Variants in C3orf20 observed in about 807,000 individuals in gnomAD.
The protein encoded by C3orf20 is family with sequence similarity 149 member C.
C3orf20 carries 76 observed loss-of-function variants against 88.3 expected under a neutral mutation model. The observed-to-expected ratio is 0.86, with a 90% CI of 0.72 to 1.04. C3orf20 has a LOEUF of 1.04. Ranked by LOEUF, C3orf20 falls within the 50% of genes least tolerant of loss-of-function variation. C3orf20 has a pLI of 0.00. For synonymous variants in C3orf20, 436 were observed against 437.4 expected (o/e 1.00, Z 0.04); for missense variants, 1,056 against 1,123.3 (o/e 0.94, Z 0.86).
intron 12 of C3orf20, among the ~76,000 whole-genome samples, chr3:14,729,103 A>G (rs1490621470): frequency 1.3e-5 from 2 of 152,182 alleles, no homozygotes; most frequent in South Asian, 2.1e-4. Flanking sequence ...CATATCATCT[A>G]CAGCCACTTC....
At chr3:14,692,782 G>A (rs904389677) in intron 5 of C3orf20, among the ~76,000 whole-genome samples, 2 of 152,144 alleles carry the variant, frequency 1.3e-5, no homozygotes, top group Non-Finnish European at 2.9e-5. Flanking sequence ...GTGCTTGTGG[G>A]GTATTACTCA....
At chr3:14,767,904 A>G (rs1157698917) in intron 15 of C3orf20, among the ~76,000 whole-genome samples, 5 of 152,256 alleles carry the variant, frequency 3.3e-5, no homozygotes, top group South Asian at 4.1e-4. Context: ...TTTGTAAACC[A>G]TAAGACACTC....
At chr3:14,687,650 G>A (rs1296308180) in intron 4 of C3orf20, among the ~76,000 whole-genome samples, 1 of 152,158 alleles carries the variant, frequency 6.6e-6, no homozygotes, top group African/African-American at 2.4e-5. Context: ...CAACCCTCGG[G>A]CCTGACACCT....
intron 12 of C3orf20, among the ~76,000 whole-genome samples, chr3:14,743,802 C>T (rs2034983977): frequency 6.6e-6 from 1 of 152,020 alleles, no homozygotes; most frequent in South Asian, 2.1e-4. Flanking sequence ...GAAGCCACAG[C>T]CCAAGCTATA....
intron 12 of C3orf20, among the ~76,000 whole-genome samples, chr3:14,749,747 G>C (rs1004024033): frequency 1.4e-5 from 2 of 142,236 alleles, no homozygotes; most frequent in African/African-American, 5.2e-5. Context: ...TTATTTTTCT[G>C]TATATTTTAG....
In C3orf20 at chr3:14,757,539, G is replaced by A. The variant is rs145419422; in HGVS notation, c.2109G>A (p.Ala703=). 1.4e-5 allele frequency: 22 copies of A among 1,614,050 alleles called. No individual in the cohort carries two copies. Among genetic ancestry groups the A allele is most frequent in the East Asian group, 6.7e-5 (3 of 44,876 alleles). The change falls in exon 13 of 17, where the codon GCG becomes GCA. Residue 703 remains alanine (A), a synonymous_variant. Coordinates refer to ENST00000253697, the MANE Select transcript of C3orf20 (RefSeq NM_032137.5). ...TGGAGCTGGAGCGCTTCCTGTTGGC[G>A]CCCCGAGACCCCAGCCAAGTGCTGG... ...SDVELERFLL[A]PRDPSQVLVF...
Position 14,682,657 on chromosome 3 carries a change from A to C in C3orf20, c.-57A>C. On this transcript the variant is annotated 5_prime_UTR_variant, in exon 3 of 17. Transcript: ENST00000253697. Reference sequence around the variant, plus strand: ...TCTCCAAGCCTTCACCGTAGGGAAGAACTTTTGCTCTCAGTCACCTCTCAG... The same window carrying C: ...TCTCCAAGCCTTCACCGTAGGGAAGCACTTTTGCTCTCAGTCACCTCTCAG... The C allele has an allele frequency of 6.5e-7, 1 of 1,544,362 alleles. No individual in the cohort carries two copies. The highest frequency in any genetic ancestry group is 2.3e-5 in the East Asian group (1 of 44,398).
At chr3:14,749,230 C>T (rs2035149507) in intron 12 of C3orf20, among the ~76,000 whole-genome samples, 4 of 152,140 alleles carry the variant, frequency 2.6e-5, no homozygotes, top group Non-Finnish European at 5.9e-5. Context: ...TAATTTTTTA[C>T]TTAAAGTCTA....
intron 9 of C3orf20, among the ~76,000 whole-genome samples, chr3:14,720,823 A>C: frequency 6.6e-6 from 1 of 152,194 alleles, no homozygotes; most frequent in Non-Finnish European, 1.5e-5. Flanking sequence ...ATGGCTTACA[A>C]AGCCACTTCC....
At chr3:14,718,026 A>G (rs183832547) in intron 9 of C3orf20, among the ~76,000 whole-genome samples, 35 of 152,136 alleles carry the variant, frequency 2.3e-4, no homozygotes, top group African/African-American at 7.5e-4. Flanking sequence ...TTGTCTTCAT[A>G]TTTATTCCAT....
intron 12 of C3orf20, among the ~76,000 whole-genome samples, chr3:14,744,838 C>G (rs1227441765): frequency 6.6e-6 from 1 of 152,196 alleles, no homozygotes; most frequent in African/African-American, 2.4e-5. Context: ...TACCTCCCCA[C>G]TGGGTCCCTC....
At position 14,726,790 on chromosome 3, in the gene C3orf20, G is replaced by A. The variant is rs946447709; in HGVS notation, c.1567-111G>A. ...GGTGTGTTCCAGGTAGGGGTAGGGG[G>A]GCAGGCAATAGCACATCCTCTGAAC... On this transcript the variant is annotated intron_variant, in intron 10 of 16. Transcript: ENST00000253697. The A allele has an allele frequency of 6.9e-6, 10 of 1,458,612 alleles. No homozygotes were observed. In the African/African-American group the frequency reaches 1.3e-4, roughly 18 times the overall value. 90.4% of individuals were successfully genotyped at this position (1,458,612 alleles called of 1,614,324 possible). A position where few individuals can be genotyped will look rare whatever the true frequency, so the allele number is the denominator to read the frequency against.
intron 6 of C3orf20, among the ~76,000 whole-genome samples, chr3:14,703,878 G>T (rs1328054302): frequency 6.6e-6 from 1 of 152,188 alleles, no homozygotes; most frequent in African/African-American, 2.4e-5. Context: ...GCCACTGGGT[G>T]TAAAGGACTT....
intron 5 of C3orf20, among the ~76,000 whole-genome samples, chr3:14,697,040 A>G (rs1162940877): frequency 1.3e-5 from 2 of 152,180 alleles, no homozygotes; most frequent in Admixed American, 1.3e-4. Flanking sequence ...GTCTGCTGCC[A>G]GACAATTGGA....
At chr3:14,691,952 A>G (rs1674829843) in intron 5 of C3orf20, among the ~76,000 whole-genome samples, 3 of 152,064 alleles carry the variant, frequency 2.0e-5, no homozygotes, top group Admixed American at 2.0e-4. Context: ...CATGAGTTTA[A>G]TTGTTTTAAT....
Position 14,768,984 on chromosome 3 carries a change from C to T in C3orf20, c.2496-3083C>T, listed in dbSNP as rs377060030. Among the ~76,000 whole-genome samples, 65 of 152,206 alleles carry T rather than the reference C, an allele frequency of 4.3e-4. 1 individual carries two copies. In the South Asian group the frequency reaches 9.8e-3, roughly 23 times the overall value. The stretch of plus-strand genomic sequence containing the variant: ...ATGTGTTCCTGTCACCCCAGCAGGA[C>T]AGCTGTGTGGCTCTGCTGGCCTAGT... On this transcript the variant is annotated intron_variant, in intron 15 of 16. Transcript: ENST00000253697. The surrounding 1 kb of genome is among the most constrained non-coding windows in gnomAD (Gnocchi z 4.1).
chr3:14,704,486 C>T lies in C3orf20; in HGVS notation c.1028C>T (p.Ala343Val). The T allele has an allele frequency of 6.2e-7, 1 of 1,614,172 alleles. No homozygotes were observed. The highest frequency in any genetic ancestry group is 8.5e-7 in the Non-Finnish European group (1 of 1,180,020). ...TTACATTACCCTCCCACTGCAGGTG[C>T]TCAGACTCTCAGCCCCACCTCTCAC... Reference protein sequence around the residue: ...PGLHYPPTAGAQTLSPTSHPS... With the variant: ...PGLHYPPTAGVQTLSPTSHPS... The change falls in exon 7 of 17, where the codon GCT (alanine) becomes GTT (valine). Residue 343 changes from alanine (A) to valine (V), a missense_variant. Ala to Val is a moderately conservative substitution (Grantham distance 64, BLOSUM62 0). Transcript: ENST00000253697.
At position 14,704,377 on chromosome 3, in the gene C3orf20, T is replaced by C. The variant is rs758771146; in HGVS notation, c.919T>C (p.Tyr307His). The C allele has an allele frequency of 6.2e-7, 1 of 1,614,042 alleles. No individual in the cohort carries two copies. Among genetic ancestry groups the C allele is most frequent in the Admixed American group, 1.7e-5 (1 of 60,006 alleles). Residue 307 changes from tyrosine to histidine, a missense_variant, in exon 7 of 17, where the codon TAC becomes CAC. By Grantham distance (83) the Tyr-to-His change is moderately conservative. Coordinates refer to ENST00000253697, the MANE Select transcript of C3orf20 (RefSeq NM_032137.5). ...CACATGGAAAGGGAGGAATATCTCC[T>C]ACCCCATGATCTTACGAAACTACAA... ...RATWKGRNIS[Y>H]PMILRNYKAK... is the part of the protein sequence containing the mutation.
At chr3:14,687,105 C>G (rs2032476707) in intron 4 of C3orf20, among the ~76,000 whole-genome samples, 1 of 152,080 alleles carries the variant, frequency 6.6e-6, no homozygotes, top group Non-Finnish European at 1.5e-5. Context: ...GATCATGACT[C>G]CATGGAGAGA....
Sources: gnomAD v4.1 joint callset for allele counts (sites outside exome capture counted in the v4.1 genomes callset) on GRCh38, gnomAD v4.1.1 for gene constraint, Gnocchi (gnomAD v3.1) non-coding constraint, MANE v1.5 for transcripts, NCBI Gene and HGNC (gene_info 2026-07-23, HGNC 2026-07-21) for gene names.